PFKM: variants seen among roughly 807,000 people sequenced by gnomAD.
PFKM encodes phosphofructokinase, muscle, also known as ATP-dependent 6-phosphofructokinase, muscle type.
PFKM carries 58 observed loss-of-function variants against 95.5 expected under a neutral mutation model. The observed-to-expected ratio is 0.61, with a 90% CI of 0.49 to 0.76. The LOEUF (loss-of-function observed/expected upper bound fraction) is 0.76. PFKM is among the 30% of genes least tolerant of loss of function. The probability of loss-of-function intolerance (pLI) is 0.00; values close to 1 mark genes in which losing one functional copy is unlikely to be tolerated. For missense variants in PFKM, 678 were observed against 1,005.4 expected (o/e 0.67, Z 4.40); for synonymous variants, 336 against 357.2 (o/e 0.94, Z 0.67).
upstream of PFKM, chr12:48,105,683 G>C: frequency 4.5e-6 from 2 of 446,332 alleles, no homozygotes; most frequent in Non-Finnish European, 4.2e-6. Context: ...AGCTCTGGCG[G>C]GAAAGCCCCG....
At chr12:48,117,830 G>C (rs1034894037), upstream of PFKM, among the ~76,000 whole-genome samples, 4 of 152,166 alleles carry the variant, frequency 2.6e-5, no homozygotes, top group African/African-American at 9.7e-5. Context: ...ATAAATTTTA[G>C]GGAGATATAA....
At chr12:48,142,154 A>T in intron 17 of PFKM, 88 bp downstream of exon 17, 1 of 1,244,584 alleles carries the variant, frequency 8.0e-7, no homozygotes, top group Non-Finnish European at 1.2e-6. Flanking sequence ...GCTACTCTTT[A>T]TATCAAGCAA....
intron 3 of PFKM, among the ~76,000 whole-genome samples, chr12:48,113,180 A>G (rs770634047): frequency 3.9e-5 from 6 of 152,128 alleles, no homozygotes; most frequent in Non-Finnish European, 8.8e-5. Flanking sequence ...TTGTCACGAG[A>G]GTTGGGGAGT....
At position 48,144,988 on chromosome 12, in the gene PFKM, A is replaced by G. The variant is rs746793936; in HGVS notation, c.1993-43A>G. The G allele has an allele frequency of 2.2e-6, 3 of 1,364,278 alleles. No homozygotes were observed. In the South Asian group the frequency reaches 3.5e-5, roughly 16 times the overall value. 84.5% of individuals were successfully genotyped at this position (1,364,278 alleles called of 1,614,324 possible). A position where few individuals can be genotyped will look rare whatever the true frequency, so the allele number is the denominator to read the frequency against. On this transcript the variant is annotated intron_variant, in intron 20 of 22. Coordinates refer to ENST00000359794, the MANE Select transcript of PFKM (RefSeq NM_000289.6). ...TGTGTCTAGATATCTCTGCCACTTC[A>G]TTAGAGTCCTTCCCTCTGTAATTTT...
At chr12:48,118,555 G>A (rs1266768336), upstream of PFKM, 29 of 1,516,264 alleles carry the variant, frequency 1.9e-5, no homozygotes, top group Non-Finnish European at 2.5e-5. Context: ...ACCCGACTGT[G>A]GAGACAATGA....
At position 48,132,948 on chromosome 12, in the gene PFKM, G is replaced by A. The variant is rs775680284; in HGVS notation, c.318G>A (p.Val106=). The stretch of plus-strand genomic sequence containing the variant: ...GACTCCGAGCTGCCTACAACCTGGT[G>A]AAGCGTGGGATCACCAATCTCTGTG... ...EGRLRAAYNL[V]KRGITNLCVI... Residue 106 remains valine (V), a synonymous_variant, in exon 5 of 23, where the codon GTG becomes GTA. Coordinates refer to ENST00000359794, the MANE Select transcript of PFKM (RefSeq NM_000289.6). 4 of 1,614,224 alleles carry A rather than the reference G, an allele frequency of 2.5e-6. No homozygotes were observed. Among genetic ancestry groups the A allele is most frequent in the East Asian group, 4.5e-5 (2 of 44,882 alleles).
At position 48,138,418 on chromosome 12, in the gene PFKM, C is replaced by T. The variant is rs573258409; in HGVS notation, c.1062+572C>T. ...CTTTGATACCACAGAGCGAACGTGG[C>T]GGCTGAGAGCGAGAACTAGGCTGTG... On this transcript the variant is annotated intron_variant, in intron 11 of 22. Transcript: ENST00000359794. Among the ~76,000 whole-genome samples the T allele has an allele frequency of 5.9e-5, 9 of 152,264 alleles. No homozygotes were observed. The South Asian group carries it at 6.2e-4, about 11-fold the overall frequency.
intron 2 of PFKM, among the ~76,000 whole-genome samples, chr12:48,125,734 C>T (rs1343480347): frequency 6.6e-6 from 1 of 152,028 alleles, no homozygotes; most frequent in East Asian, 1.9e-4. Flanking sequence ...GCTGAGACCA[C>T]AGGCCATGTG....
chr12:48,132,146 T>C, intron 4 of PFKM: 1 of 451,822 alleles, frequency 2.2e-6, no homozygotes, highest in South Asian at 1.6e-5. Context: ...TCCACCAGTA[T>C]CCCAAAGTCA....
At chr12:48,106,691 T>C (rs777391376) in intron 1 of PFKM, among the ~76,000 whole-genome samples, 1 of 133,490 alleles carries the variant, frequency 7.5e-6, no homozygotes, top group Non-Finnish European at 1.6e-5. Context: ...TCATACTTGA[T>C]TGACCATTCA....
chr12:48,142,229 T>G, intron 17 of PFKM, 163 bp downstream of exon 17: 1 of 769,206 alleles, frequency 1.3e-6, no homozygotes, highest in South Asian at 1.6e-5. Flanking sequence ...TCCCAGCACT[T>G]TGGGAGGCCA....
intron 17 of PFKM, 133 bp from the exon 18 acceptor site, chr12:48,142,649 T>C (rs1950679905): frequency 2.3e-6 from 2 of 874,602 alleles, no homozygotes; most frequent in Non-Finnish European, 3.8e-6. Flanking sequence ...ATGCAAGAAC[T>C]TGATGAGCTC....
chr12:48,130,135 G>T (rs1179460302), intron 2 of PFKM, among the ~76,000 whole-genome samples: 2 of 152,128 alleles, frequency 1.3e-5, no homozygotes, highest in African/African-American at 2.4e-5. Context: ...ATTTTGGGGG[G>T]GCTTGAGGAG....
Position 48,145,536 on chromosome 12 carries a change from T to G in PFKM, c.2199-28T>G. On this transcript the variant is annotated intron_variant, in intron 22 of 22. Coordinates refer to ENST00000359794, the MANE Select transcript of PFKM (RefSeq NM_000289.6). This position sits in a 1 kb window ranked among gnomAD's most constrained non-coding sequence, Gnocchi z 4.3. ...AGTTGATTGGGGTGCTAAAAGATTA[T>G]ATCATCATCTACCTCATTCCTCTGT... The G allele has an allele frequency of 6.2e-7, 1 of 1,613,744 alleles. No individual in the cohort carries two copies. Among genetic ancestry groups the G allele is most frequent in the Non-Finnish European group, 8.5e-7 (1 of 1,179,656 alleles).
At chr12:48,122,363 C>G (rs1948377147) in intron 1 of PFKM, among the ~76,000 whole-genome samples, 1 of 152,222 alleles carries the variant, frequency 6.6e-6, no homozygotes, top group Admixed American at 6.5e-5. Flanking sequence ...TAAACCTCAT[C>G]TGATTCCAGC....
chr12:48,131,209 G>A (rs1949443158), intron 3 of PFKM, 107 bp from the exon 4 acceptor site: 1 of 792,478 alleles, frequency 1.3e-6, no homozygotes, highest in East Asian at 2.5e-5. Flanking sequence ...TCACTAATGG[G>A]AGGAGGTGGC....
chr12:48,129,210 C>CTTTTTTTTT (rs778761447), intron 2 of PFKM, among the ~76,000 whole-genome samples: 3 of 21,978 alleles, frequency 1.4e-4, no homozygotes, highest in Admixed American at 7.8e-4. Context: ...AATTTTCTTT[C>CTTTTTTTTT]TTTTTTTTTT....
chr12:48,126,831 G>A (rs1221833109), intron 2 of PFKM, among the ~76,000 whole-genome samples: 1 of 152,156 alleles, frequency 6.6e-6, no homozygotes, highest in Non-Finnish European at 1.5e-5. Context: ...TATCTATTCT[G>A]ATCTTATTGA....
At chr12:48,111,494 T>C (rs1283359806) in intron 3 of PFKM, among the ~76,000 whole-genome samples, 1 of 152,220 alleles carries the variant, frequency 6.6e-6, no homozygotes, top group Non-Finnish European at 1.5e-5. Flanking sequence ...AGTATAAATA[T>C]TGATGCGTAG....
Sources: allele counts gnomAD v4.1 joint callset (sites outside exome capture counted in the v4.1 genomes callset), GRCh38; gene constraint gnomAD v4.1.1; non-coding constraint Gnocchi (gnomAD v3.1); transcripts MANE v1.5; gene names NCBI Gene and HGNC (gene_info 2026-07-23, HGNC 2026-07-21).